Variants in DNAH5 observed in about 807,000 individuals in gnomAD.
DNAH5 encodes axonemal beta dynein heavy chain 5.
A neutral mutation model predicts 518.2 loss-of-function variants in DNAH5; 372 were observed. That is an observed-to-expected ratio of 0.72 (90% CI 0.66 to 0.78). DNAH5 has a LOEUF of 0.78. DNAH5 is among the 30% of genes least tolerant of loss of function. The pLI, the probability that DNAH5 is intolerant of heterozygous loss-of-function variation, is 0.00. For missense variants in DNAH5, 5,523 were observed against 5,687.0 expected, an observed-to-expected ratio of 0.97 and a Z score of 0.93; for synonymous variants, 2,039 against 2,025.9, an observed-to-expected ratio of 1.01 and a Z score of -0.17.
chr5:13,774,850 A>T (rs1265481620), intron 55 of DNAH5, among the ~76,000 whole-genome samples: 1 of 152,172 alleles, frequency 6.6e-6, no homozygotes, highest in Non-Finnish European at 1.5e-5. Flanking sequence ...TAACAAAAAG[A>T]GCTTCATATG....
chr5:13,892,401 TC>T (rs1773377793), intron 16 of DNAH5, among the ~76,000 whole-genome samples: 1 of 152,182 alleles, frequency 6.6e-6, no homozygotes, highest in Non-Finnish European at 1.5e-5. Flanking sequence ...GTGCAGAGTG[TC>T]CCAGATTATC....
At chr5:13,713,330 G>A (rs528803270) in intron 75 of DNAH5, among the ~76,000 whole-genome samples, 42 of 128,248 alleles carry the variant, frequency 3.3e-4, no homozygotes, top group Admixed American at 2.0e-3. Context: ...TATATATACC[G>A]ACATATATAT....
chr5:13,865,586 T>A (rs1769126044), intron 27 of DNAH5, 82 bp downstream of exon 27: 2 of 861,116 alleles, frequency 2.3e-6, no homozygotes, highest in Non-Finnish European at 4.0e-6. Context: ...ATAGCTGGGG[T>A]GAAAAGAGAA....
Position 13,865,754 on chromosome 5 carries a change from T to C in DNAH5, c.4269A>G (p.Ile1423Met), listed in dbSNP as rs779020258. Residue 1423 changes from isoleucine (I) to methionine (M), a missense_variant, in exon 27 of 79, where the codon ATA becomes ATG. Ile to Met is a conservative substitution (Grantham distance 10, BLOSUM62 1). Around this residue, in one of 3 missense-constraint regions of DNAH5, gnomAD observed 5,121 missense variants for 5,223.3 expected, o/e 0.98. Transcript: ENST00000265104. Reference sequence around the variant, plus strand: ...TATCATAATAGCTATTTACAGTTTCTATGACACTGTTGTACAGAGTATATA... The same window carrying C: ...TATCATAATAGCTATTTACAGTTTCCATGACACTGTTGTACAGAGTATATA... ...QKIYTLYNSVIETVNSYYDIL... is the reference protein window; with the variant it reads ...QKIYTLYNSVMETVNSYYDIL... 7.5e-6 allele frequency: 12 copies of C among 1,607,286 alleles called. No homozygotes were observed. In the Admixed American group the frequency reaches 2.0e-4, roughly 27 times the overall value.
In DNAH5 at chr5:13,788,740, A is replaced by T. The variant is rs774442047; in HGVS notation, c.8623T>A (p.Leu2875Met). 1 of 1,614,126 alleles carries T rather than the reference A, an allele frequency of 6.2e-7. No homozygotes were observed. The highest frequency in any genetic ancestry group is 1.7e-5 in the Admixed American group (1 of 59,996). Reference protein sequence around the residue: ...CGIDTYFVDFLRDAPEAAGET... With the variant: ...CGIDTYFVDFMRDAPEAAGET... ...CCTGCAGCTTCAGGTGCATCTCTCA[A>T]GAAATCCACAAAATATGTGTCAATT... is the stretch of plus-strand genomic sequence containing the variant. Residue 2875 changes from leucine (L) to methionine (M), a missense_variant, in exon 51 of 79, where the codon TTG becomes ATG. Leu to Met is a conservative substitution (Grantham distance 15). Transcript: ENST00000265104.
chr5:13,802,209 A>G (rs1554055228), intron 47 of DNAH5, among the ~76,000 whole-genome samples: 17 of 152,192 alleles, frequency 1.1e-4, no homozygotes, highest in Non-Finnish European at 1.5e-5. Flanking sequence ...AACCTAAACA[A>G]GATTCCAATC....
intron 11 of DNAH5, 55 bp from the exon 12 acceptor site, chr5:13,911,548 C>T: frequency 1.5e-6 from 2 of 1,318,996 alleles, no homozygotes; most frequent in African/African-American, 2.9e-5. Flanking sequence ...TATTACCTAA[C>T]TAAATATGAC....
chr5:13,784,620 C>T (rs184396914), intron 52 of DNAH5, among the ~76,000 whole-genome samples: 5 of 152,282 alleles, frequency 3.3e-5, no homozygotes, highest in Admixed American at 2.6e-4. Context: ...AAACCCCCTC[C>T]GTTTGTAGAT....
At position 13,814,636 on chromosome 5, in the gene DNAH5, G is replaced by C. The variant is rs1761199240; in HGVS notation, c.7199C>G (p.Ser2400Cys). ...AATAGGACTCCAATCAAGGATAGAA[G>C]AGCTCATGAAAACCATTCCATTTCT... ...VSRNGMVFMS[S>C]SILDWSPILE... The change falls in exon 43 of 79, where the codon TCT becomes TGT. Residue 2400 changes from serine to cysteine, a missense_variant. Around this residue, in one of 3 missense-constraint regions of DNAH5, gnomAD observed 5,121 missense variants for 5,223.3 expected, o/e 0.98. Transcript: ENST00000265104. 6.2e-7 allele frequency: 1 copy of C among 1,613,852 alleles called. No individual in the cohort carries two copies. The highest frequency in any genetic ancestry group is 8.5e-7 in the Non-Finnish European group (1 of 1,179,768).
intron 32 of DNAH5, 39 bp from the exon 33 acceptor site, chr5:13,841,943 AGTC>A (rs1765241043): frequency 2.8e-6 from 3 of 1,054,600 alleles, no homozygotes; most frequent in Non-Finnish European, 1.4e-6. Context: ...AAAAAGCTAT[AGTC>A]ATATAAAAAG....
Position 13,721,068 on chromosome 5 carries a change from G to A in DNAH5, c.12211C>T (p.Arg4071Cys), listed in dbSNP as rs771514271. The A allele has an allele frequency of 4.3e-6, 7 of 1,613,968 alleles. No individual in the cohort carries two copies. The highest frequency in any genetic ancestry group is 2.2e-5 in the East Asian group (1 of 44,882). Residue 4071 changes from arginine (R) to cysteine (C), a missense_variant, in exon 71 of 79, where the codon CGT becomes TGT. Arg to Cys is a radical substitution (Grantham distance 180, BLOSUM62 -3). Transcript: ENST00000265104. ...TGGCCCTGGCCCATGGACACATAAC[G>A]GGTTTCTATTTTTAATCTCTTCCCC... ...ALGKRLKIET[R>C]YVSMGQGQEV...
chr5:13,828,519 T>C (rs568420595), intron 38 of DNAH5, among the ~76,000 whole-genome samples: 2 of 152,342 alleles, frequency 1.3e-5, no homozygotes, highest in African/African-American at 2.4e-5. Context: ...TTCTAACTAA[T>C]AGAATACAGC....
chr5:13,955,984 C>A (rs1780739470), intron 1 of DNAH5, among the ~76,000 whole-genome samples: 1 of 152,102 alleles, frequency 6.6e-6, no homozygotes, highest in Non-Finnish European at 1.5e-5. Flanking sequence ...AAAAACAGAA[C>A]AAGAATCTCC....
chr5:13,996,317 G>A (rs1453113210), intron 1 of DNAH5, among the ~76,000 whole-genome samples: 3 of 151,842 alleles, frequency 2.0e-5, no homozygotes, highest in African/African-American at 4.8e-5. Context: ...CGCCACCCCC[G>A]ACCCCGAATT....
At chr5:13,939,621 G>A (rs528539721) in intron 1 of DNAH5, among the ~76,000 whole-genome samples, 67 of 152,224 alleles carry the variant, frequency 4.4e-4, no homozygotes, top group African/African-American at 1.5e-3. Context: ...TCAGAGAGAA[G>A]AGGCTGCTCT....
chr5:13,838,614 A>G (rs1359171593), intron 35 of DNAH5, among the ~76,000 whole-genome samples: 1 of 152,112 alleles, frequency 6.6e-6, no homozygotes, highest in Non-Finnish European at 1.5e-5. Context: ...AGAAAAACAC[A>G]CTCGGGGCTC....
intron 2 of DNAH5, 118 bp downstream of exon 2, chr5:13,930,992 T>C (rs989907984): frequency 3.4e-6 from 5 of 1,484,664 alleles, no homozygotes; most frequent in African/African-American, 2.8e-5. Context: ...TGGAGCCCTG[T>C]CCACGTTAAG....
At chr5:13,721,882 A>G (rs912800402) in intron 70 of DNAH5, among the ~76,000 whole-genome samples, 8 of 152,240 alleles carry the variant, frequency 5.3e-5, no homozygotes, top group Non-Finnish European at 4.4e-5. Context: ...TGGTAACAAC[A>G]AAGTCCTTTT....
At chr5:13,984,051 C>G (rs920123238) in intron 1 of DNAH5, among the ~76,000 whole-genome samples, 1 of 151,948 alleles carries the variant, frequency 6.6e-6, no homozygotes, top group African/African-American at 2.4e-5. Context: ...CAGGAGAGCT[C>G]GATGTAATCA....
Sources: gnomAD v4.1 joint callset for allele counts (sites outside exome capture counted in the v4.1 genomes callset) on GRCh38, gnomAD v4.1.1 for gene constraint, gnomAD v4.1.1 regional missense constraint, MANE v1.5 for transcripts, NCBI Gene and HGNC (gene_info 2026-07-23, HGNC 2026-07-21) for gene names.